CDH13: variants seen among roughly 807,000 people sequenced by gnomAD.
CDH13 encodes cadherin-13.
A neutral mutation model predicts 63.8 loss-of-function variants in CDH13; 24 were observed. That is an observed-to-expected ratio of 0.38 (90% confidence interval 0.27 to 0.53). The LOEUF is 0.53. CDH13 is among the 20% of genes least tolerant of loss of function. The pLI is 0.85. For synonymous variants in CDH13, 503 were observed against 355.3 expected, an observed-to-expected ratio of 1.42 and a Z score of -4.67; for missense variants, 1,049 against 903.1, an observed-to-expected ratio of 1.16 and a Z score of -2.07.
At chr16:83,292,177 A>G (rs544834205) in intron 5 of CDH13, among the ~76,000 whole-genome samples, 43 of 152,378 alleles carry the variant, frequency 2.8e-4, no homozygotes, top group African/African-American at 8.4e-4. Context: ...TGTCAACTGA[A>G]GCATGAACAT....
chr16:83,624,345 C>T (rs1006591245), intron 8 of CDH13, among the ~76,000 whole-genome samples: 1 of 151,784 alleles, frequency 6.6e-6, no homozygotes, highest in Middle Eastern at 3.4e-3. Context: ...AACGCCCCCA[C>T]CCCTGCCCCA....
At chr16:83,063,076 A>G (rs750276520) in intron 3 of CDH13, among the ~76,000 whole-genome samples, 1 of 150,996 alleles carries the variant, frequency 6.6e-6, no homozygotes, top group Non-Finnish European at 1.5e-5. Flanking sequence ...AGTCTCCTGC[A>G]TCAGCCTCCC....
intron 3 of CDH13, among the ~76,000 whole-genome samples, chr16:83,050,053 T>TG (rs1180258031): frequency 6.6e-6 from 1 of 152,166 alleles, no homozygotes; most frequent in Non-Finnish European, 1.5e-5. Flanking sequence ...GATGATTGAA[T>TG]GGGGGTGGCT....
intron 8 of CDH13, among the ~76,000 whole-genome samples, chr16:83,657,774 G>A (rs1034014856): frequency 7.9e-5 from 12 of 152,144 alleles, no homozygotes; most frequent in Non-Finnish European, 1.2e-4. Flanking sequence ...GCAAGAATTC[G>A]CAACATTCCC....
At chr16:83,348,108 T>C (rs1243904030) in intron 6 of CDH13, among the ~76,000 whole-genome samples, 1 of 152,092 alleles carries the variant, frequency 6.6e-6, no homozygotes, top group Non-Finnish European at 1.5e-5. Context: ...GAGAATTGCT[T>C]GAACCCAGGA....
rs370104311 is a variant in CDH13 at position 82,708,739 on chromosome 16, C to T, written c.45+81602C>T. ...AGTCAGCTGTCTGCGCTTATCCAAT[C>T]AGATGACGCTGGGCAAATGGAGAAG... On this transcript the variant is annotated intron_variant, in intron 1 of 13. Coordinates refer to ENST00000567109, the MANE Select transcript of CDH13 (RefSeq NM_001257.5). 2.1e-4 allele frequency among the ~76,000 whole-genome samples: 32 copies of T among 152,316 alleles called. No homozygotes were observed. In the East Asian group the frequency reaches 2.9e-3, roughly 14 times the overall value.
intron 8 of CDH13, among the ~76,000 whole-genome samples, chr16:83,627,785 G>A (rs191300759): frequency 2.0e-5 from 3 of 152,266 alleles, no homozygotes; most frequent in South Asian, 2.1e-4. Context: ...AGGCAAGTCC[G>A]TAAAGTGAAA....
chr16:83,204,338 A>T (rs1452004613), intron 4 of CDH13, among the ~76,000 whole-genome samples: 2 of 152,222 alleles, frequency 1.3e-5, no homozygotes, highest in African/African-American at 4.8e-5. Context: ...AAAACAGATT[A>T]TTACCAATAC....
At chr16:82,735,610 T>C (rs1167718330) in intron 1 of CDH13, among the ~76,000 whole-genome samples, 2 of 152,208 alleles carry the variant, frequency 1.3e-5, no homozygotes, top group African/African-American at 4.8e-5. Flanking sequence ...AGCACATTTA[T>C]TGCAGTGTGA....
At chr16:83,193,551 C>A (rs1482935513) in intron 4 of CDH13, among the ~76,000 whole-genome samples, 1 of 152,174 alleles carries the variant, frequency 6.6e-6, no homozygotes, top group African/African-American at 2.4e-5. Flanking sequence ...GCAGTGGAAG[C>A]CTGTGTGGTC....
At chr16:83,336,146 C>G (rs1224115248) in intron 5 of CDH13, among the ~76,000 whole-genome samples, 2 of 151,762 alleles carry the variant, frequency 1.3e-5, no homozygotes, top group Non-Finnish European at 2.9e-5. Context: ...GCTAAAAATA[C>G]AAAAATTTGC....
At chr16:82,721,055 A>C (rs1287709627) in intron 1 of CDH13, among the ~76,000 whole-genome samples, 1 of 152,254 alleles carries the variant, frequency 6.6e-6, no homozygotes, top group African/African-American at 2.4e-5. Flanking sequence ...TAATGGAAGT[A>C]TAACCAGGGA....
At chr16:83,113,356 C>T (rs1270860509) in intron 3 of CDH13, among the ~76,000 whole-genome samples, 3 of 152,218 alleles carry the variant, frequency 2.0e-5, no homozygotes, top group African/African-American at 7.2e-5. Context: ...TACTCTGCAC[C>T]AGCTACTGTG....
At chr16:83,140,356 T>C (rs1179054232) in intron 4 of CDH13, among the ~76,000 whole-genome samples, 1 of 152,258 alleles carries the variant, frequency 6.6e-6, no homozygotes, top group Non-Finnish European at 1.5e-5. Flanking sequence ...TGGCAGACCA[T>C]TGCTATGGCC....
At chr16:82,642,761 C>A (rs549899294) in intron 1 of CDH13, among the ~76,000 whole-genome samples, 2 of 152,146 alleles carry the variant, frequency 1.3e-5, no homozygotes, top group Non-Finnish European at 2.9e-5. Context: ...GATTTTGAAC[C>A]AGGCCTGGTG....
chr16:83,607,867 C>T (rs1193380964), intron 8 of CDH13, among the ~76,000 whole-genome samples: 1 of 152,134 alleles, frequency 6.6e-6, no homozygotes, highest in Non-Finnish European at 1.5e-5. Context: ...ATGAAAACTT[C>T]AGCAGCCCCA....
intron 9 of CDH13, among the ~76,000 whole-genome samples, chr16:83,672,044 T>A (rs8046499): frequency 0.075 from 11,393 of 152,250 alleles, 691 homozygotes; most frequent in African/African-American, 0.17. Context: ...CAGGGATCAA[T>A]TGTATTTATA....
chr16:83,045,060 C>G (rs1224221608), intron 3 of CDH13, among the ~76,000 whole-genome samples: 3 of 152,136 alleles, frequency 2.0e-5, no homozygotes, highest in Non-Finnish European at 4.4e-5. Context: ...CTCTTATCTG[C>G]AACTCCCAGA....
chr16:83,480,398 G>C (rs72808334), intron 6 of CDH13, among the ~76,000 whole-genome samples: 28,644 of 152,076 alleles, frequency 0.19, 2,794 homozygotes, highest in Middle Eastern at 0.27. Context: ...GATAGCCCAG[G>C]TCCTCAGCCG....
Sources: gnomAD v4.1 joint callset for allele counts (sites outside exome capture counted in the v4.1 genomes callset) on GRCh38, gnomAD v4.1.1 for gene constraint, MANE v1.5 for transcripts, NCBI Gene and HGNC (gene_info 2026-07-23, HGNC 2026-07-21) for gene names.